Variants in CERS6 observed in about 807,000 individuals in gnomAD.
CERS6 encodes LAG1 homolog, ceramide synthase 6.
In CERS6, 26 loss-of-function variants were observed where a neutral mutation model predicts 56.8. The ratio of observed to expected loss-of-function variants is 0.46; its 90% CI spans 0.34 to 0.63. The LOEUF is 0.63. CERS6 is among the 30% of genes least tolerant of loss of function. The pLI is 0.01. For missense variants in CERS6, 415 were observed against 467.5 expected (o/e 0.89, Z 1.04); for synonymous variants, 164 against 173.3 (o/e 0.95, Z 0.42).
intron 4 of CERS6, among the ~76,000 whole-genome samples, chr2:168,641,715 T>G (rs538855460): frequency 3.2e-4 from 48 of 152,286 alleles, no homozygotes; most frequent in African/African-American, 1.1e-3. Flanking sequence ...GAATTATCAT[T>G]ATTACCATAC....
In CERS6 at chr2:168,612,758, ATCTG is replaced by A. The variant is rs1166765167; in HGVS notation, c.408-18222_408-18219del. On this transcript the variant is annotated intron_variant, in intron 3 of 9. Coordinates refer to ENST00000305747, the MANE Select transcript of CERS6 (RefSeq NM_203463.3). ...CTCTTTGGTGACAGTGCCTTAGGCC[ATCTG>A]TCTGAACAGCACTTCTTAAGATCTC... 5.3e-5 allele frequency among the ~76,000 whole-genome samples: 8 copies of A among 152,236 alleles called. No homozygotes were observed. The East Asian group carries it at 7.7e-4, about 15-fold the overall frequency.
chr2:168,763,027 C>G (rs554999746), intron 8 of CERS6, among the ~76,000 whole-genome samples: 1 of 152,120 alleles, frequency 6.6e-6, no homozygotes, highest in East Asian at 1.9e-4. Context: ...GCATGTGCCA[C>G]CATACATGGT....
At chr2:168,486,538 T>G (rs1288058225) in intron 1 of CERS6, among the ~76,000 whole-genome samples, 3 of 151,064 alleles carry the variant, frequency 2.0e-5, no homozygotes, top group Admixed American at 6.6e-5. Flanking sequence ...TTTTTTTTTT[T>G]GCCTATGGCT....
intron 4 of CERS6, among the ~76,000 whole-genome samples, chr2:168,643,944 A>G (rs763009110): frequency 3.9e-5 from 6 of 152,168 alleles, no homozygotes; most frequent in Non-Finnish European, 8.8e-5. Context: ...TATTCAGCCT[A>G]CCATACCATG....
chr2:168,729,190 T>C (rs1039082348), intron 8 of CERS6, among the ~76,000 whole-genome samples: 4 of 152,162 alleles, frequency 2.6e-5, no homozygotes, highest in Non-Finnish European at 5.9e-5. Flanking sequence ...GAAAATTCAG[T>C]ATGACCATTT....
chr2:168,472,705 G>A (rs1448993916), intron 1 of CERS6, among the ~76,000 whole-genome samples: 4 of 152,112 alleles, frequency 2.6e-5, no homozygotes, highest in African/African-American at 7.2e-5. Flanking sequence ...ATAAGGATAG[G>A]CGCTAGTAAA....
intron 1 of CERS6, among the ~76,000 whole-genome samples, chr2:168,530,850 A>G (rs988932113): frequency 6.6e-6 from 1 of 152,170 alleles, no homozygotes; most frequent in Admixed American, 6.5e-5. Flanking sequence ...TATGGACTAG[A>G]CTGACTGACC....
At chr2:168,652,180 C>G (rs767433623) in intron 4 of CERS6, among the ~76,000 whole-genome samples, 2 of 151,854 alleles carry the variant, frequency 1.3e-5, no homozygotes, top group Non-Finnish European at 2.9e-5. Context: ...CTTAGTTCAA[C>G]GAAATCAGTC....
chr2:168,724,613 C>T (rs1157954480), intron 8 of CERS6, among the ~76,000 whole-genome samples: 1 of 152,104 alleles, frequency 6.6e-6, no homozygotes, highest in Admixed American at 6.5e-5. Flanking sequence ...TATTTACAAT[C>T]CCTGAGCTAG....
At chr2:168,562,345 C>T (rs932105772) in intron 3 of CERS6, among the ~76,000 whole-genome samples, 1 of 152,162 alleles carries the variant, frequency 6.6e-6, no homozygotes, top group African/African-American at 2.4e-5. Context: ...TATAGAGAAA[C>T]AACAGTGGGC....
At chr2:168,701,546 A>C (rs924639494) in intron 6 of CERS6, among the ~76,000 whole-genome samples, 2 of 152,214 alleles carry the variant, frequency 1.3e-5, no homozygotes, top group South Asian at 2.1e-4. Context: ...TTCATGCCAC[A>C]TTCTTGCAGA....
At chr2:168,476,270 G>T (rs1694068079) in intron 1 of CERS6, among the ~76,000 whole-genome samples, 1 of 150,504 alleles carries the variant, frequency 6.6e-6, no homozygotes, top group Non-Finnish European at 1.5e-5. Context: ...TGAGAAGGAA[G>T]CTAATAAAGA....
chr2:168,574,141 A>G (rs1238066719), intron 3 of CERS6, among the ~76,000 whole-genome samples: 2 of 152,160 alleles, frequency 1.3e-5, no homozygotes, highest in African/African-American at 4.8e-5. Context: ...TCCAACTTGA[A>G]CTAATTTCAG....
chr2:168,457,496 T>C (rs1397184946), intron 1 of CERS6, among the ~76,000 whole-genome samples: 3 of 152,216 alleles, frequency 2.0e-5, no homozygotes, highest in Non-Finnish European at 2.9e-5. Context: ...GTGCCTGCCA[T>C]GCATTCTCTG....
At chr2:168,764,977 T>C (rs1396856605) in intron 8 of CERS6, among the ~76,000 whole-genome samples, 1 of 152,348 alleles carries the variant, frequency 6.6e-6, no homozygotes, top group South Asian at 2.1e-4. Context: ...CCAAGTTCCC[T>C]TTCAATGGAT....
rs552111924 is a variant in CERS6, at chr2:168,464,315, C to T, written c.170+7697C>T. Among the ~76,000 whole-genome samples the T allele has an allele frequency of 3.3e-5, 5 of 151,832 alleles. No individual in the cohort carries two copies. In the South Asian group the frequency reaches 1.0e-3, roughly 32 times the overall value. On this transcript the variant is annotated intron_variant, in intron 1 of 9. Transcript: ENST00000305747. ...CAAGTGATTCTCATGCCTCAGCCCC[C>T]CAAGTAGCTGGGATTATGTATTTTT...
At chr2:168,497,883 G>A (rs987585111) in intron 1 of CERS6, among the ~76,000 whole-genome samples, 1 of 152,056 alleles carries the variant, frequency 6.6e-6, no homozygotes, top group Non-Finnish European at 1.5e-5. Context: ...GATGAAGGTG[G>A]CTCTGAAATA....
intron 1 of CERS6, among the ~76,000 whole-genome samples, chr2:168,472,864 A>C (rs993977417): frequency 6.6e-6 from 1 of 152,176 alleles, no homozygotes; most frequent in African/African-American, 2.4e-5. Context: ...CATTTGAGAC[A>C]ATGGAAACAA....
intron 4 of CERS6, 23 bp downstream of exon 4, chr2:168,631,065 A>G: frequency 2.3e-6 from 3 of 1,291,126 alleles, no homozygotes; most frequent in East Asian, 5.0e-5. Flanking sequence ...AAACTATTTT[A>G]CATGATTCTT....
Sources: gnomAD v4.1 joint callset for allele counts (sites outside exome capture counted in the v4.1 genomes callset) on GRCh38, gnomAD v4.1.1 for gene constraint, MANE v1.5 for transcripts, NCBI Gene and HGNC (gene_info 2026-07-23, HGNC 2026-07-21) for gene names.